PTPRD: variants seen among roughly 807,000 people sequenced by gnomAD.
PTPRD encodes protein tyrosine phosphatase receptor type D, also known as receptor-type tyrosine-protein phosphatase delta.
A neutral mutation model predicts 214.5 loss-of-function variants in PTPRD; 34 were observed. The observed-to-expected ratio is 0.16, with a 90% confidence interval of 0.12 to 0.21. The LOEUF is 0.21. PTPRD is among the 10% of genes least tolerant of loss of function. PTPRD has a pLI of 1.00. For synonymous variants in PTPRD, 1,128 were observed against 845.7 expected (o/e 1.33, Z -5.79); for missense variants, 2,545 against 2,398.7 (o/e 1.06, Z -1.27).
chr9:8,920,671 A>C (rs1237302065), intron 11 of PTPRD, among the ~76,000 whole-genome samples: 3 of 152,212 alleles, frequency 2.0e-5, no homozygotes, highest in Non-Finnish European at 4.4e-5. Flanking sequence ...ATCCTAGACC[A>C]ATGGGCTGCG....
chr9:8,789,711 C>T (rs1433225377), intron 11 of PTPRD, among the ~76,000 whole-genome samples: 5 of 152,078 alleles, frequency 3.3e-5, no homozygotes, highest in African/African-American at 1.2e-4. Context: ...TCAGAAACAT[C>T]TTTAAAAAAA....
chr9:9,335,040 C>G (rs545196295), intron 9 of PTPRD, among the ~76,000 whole-genome samples: 4 of 152,148 alleles, frequency 2.6e-5, no homozygotes, highest in African/African-American at 7.2e-5. Context: ...TGTCTCTATA[C>G]TCTTAATATA....
At chr9:10,571,403 T>A (rs2067390193) in intron 2 of PTPRD, among the ~76,000 whole-genome samples, 1 of 152,174 alleles carries the variant, frequency 6.6e-6, no homozygotes, top group Non-Finnish European at 1.5e-5. Flanking sequence ...ATACCTTTAT[T>A]TCATGTGTTG....
intron 9 of PTPRD, among the ~76,000 whole-genome samples, chr9:9,334,560 T>A (rs930345241): frequency 6.6e-6 from 1 of 151,938 alleles, no homozygotes; most frequent in African/African-American, 2.4e-5. Flanking sequence ...GAGAAATAAA[T>A]GGGTCTGCCA....
intron 14 of PTPRD, among the ~76,000 whole-genome samples, chr9:8,581,897 A>G (rs1345810806): frequency 7.8e-6 from 1 of 128,600 alleles, no homozygotes; most frequent in Non-Finnish European, 1.6e-5. Context: ...TGGATGACAG[A>G]GCATGACTCA....
At chr9:10,232,672 C>G (rs534894454) in intron 3 of PTPRD, among the ~76,000 whole-genome samples, 1 of 152,096 alleles carries the variant, frequency 6.6e-6, no homozygotes, top group East Asian at 1.9e-4. Flanking sequence ...TCTGCTTCCC[C>G]TCCTTTTAAG....
At chr9:8,875,673 T>C (rs1398448715) in intron 11 of PTPRD, among the ~76,000 whole-genome samples, 1 of 152,188 alleles carries the variant, frequency 6.6e-6, no homozygotes, top group Non-Finnish European at 1.5e-5. Context: ...ATTATTATGC[T>C]CAATAATAAG....
intron 6 of PTPRD, among the ~76,000 whole-genome samples, chr9:9,754,149 T>C (rs1385560753): frequency 6.6e-6 from 1 of 152,014 alleles, no homozygotes; most frequent in Non-Finnish European, 1.5e-5. Flanking sequence ...GAGGGATGAA[T>C]GGAAATGTGT....
intron 11 of PTPRD, among the ~76,000 whole-genome samples, chr9:8,952,634 A>C (rs1451485339): frequency 6.6e-6 from 1 of 151,866 alleles, no homozygotes; most frequent in Non-Finnish European, 1.5e-5. Flanking sequence ...AAACTAATTC[A>C]ACAGGTTGTA....
chr9:9,707,859 CTA>C (rs1173853723), intron 7 of PTPRD, among the ~76,000 whole-genome samples: 1 of 151,956 alleles, frequency 6.6e-6, no homozygotes, highest in African/African-American at 2.4e-5. Flanking sequence ...ACTCCACCTG[CTA>C]TGTTTTGAAA....
At chr9:9,969,724 C>A (rs1379553717) in intron 4 of PTPRD, among the ~76,000 whole-genome samples, 1 of 152,204 alleles carries the variant, frequency 6.6e-6, no homozygotes, top group Admixed American at 6.5e-5. Context: ...AGAAATAATT[C>A]CTACAGTCAT....
intron 7 of PTPRD, among the ~76,000 whole-genome samples, chr9:9,595,292 AT>A (rs1563935492): frequency 2.6e-3 from 8 of 3,020 alleles, no homozygotes; most frequent in Non-Finnish European, 9.1e-3. Context: ...TATATATTAT[AT>A]ATATATATAT....
intron 32 of PTPRD, among the ~76,000 whole-genome samples, chr9:8,462,804 T>C (rs1283021318): frequency 1.3e-5 from 2 of 152,036 alleles, no homozygotes; most frequent in African/African-American, 4.8e-5. Context: ...CCTTGTTTTT[T>C]TAAATGGTAC....
intron 7 of PTPRD, among the ~76,000 whole-genome samples, chr9:9,718,983 G>A (rs568968626): frequency 6.6e-6 from 1 of 152,298 alleles, no homozygotes; most frequent in East Asian, 1.9e-4. Context: ...AGCCAGGGAT[G>A]ACCTGAAGCC....
chr9:8,709,512 C>A (rs1597599622), intron 12 of PTPRD, among the ~76,000 whole-genome samples: 2 of 110,424 alleles, frequency 1.8e-5, no homozygotes, highest in African/African-American at 6.8e-5. Flanking sequence ...GAGACTCCAT[C>A]TCAAAAAAAA....
chr9:8,871,398 T>C lies in PTPRD; in HGVS notation c.-103-137452A>G, dbSNP rs994716763. ...CACATAGGCCCTAGAATCAGCTACTTAAGATTCAATGGAGTAAATTTTACC... is the reference window on the plus strand; with the variant it reads ...CACATAGGCCCTAGAATCAGCTACTCAAGATTCAATGGAGTAAATTTTACC... On this transcript the variant is annotated intron_variant, in intron 11 of 45. Coordinates refer to ENST00000381196, the MANE Select transcript of PTPRD (RefSeq NM_002839.4). 2.0e-5 allele frequency among the ~76,000 whole-genome samples: 3 copies of C among 152,198 alleles called. No individual in the cohort carries two copies. The East Asian group carries it at 5.8e-4, about 29-fold the overall frequency.
chr9:9,127,699 G>A (rs928445371), intron 10 of PTPRD, among the ~76,000 whole-genome samples: 6 of 152,110 alleles, frequency 3.9e-5, no homozygotes, highest in Non-Finnish European at 7.4e-5. Context: ...TGGTCAAGAC[G>A]GGAGGTGTAA....
intron 4 of PTPRD, among the ~76,000 whole-genome samples, chr9:10,006,449 C>T (rs1295902938): frequency 6.6e-6 from 1 of 151,878 alleles, no homozygotes; most frequent in Non-Finnish European, 1.5e-5. Flanking sequence ...CAAACCGTTA[C>T]TTATTCTTTA....
chr9:9,574,628 T>C (rs537792611), intron 8 of PTPRD, 104 bp downstream of exon 8: 1 of 152,042 alleles, frequency 6.6e-6, no homozygotes, highest in East Asian at 1.9e-4. Flanking sequence ...TGGTTAAATA[T>C]CAAATGACTT....
Sources: gnomAD v4.1 joint callset for allele counts (sites outside exome capture counted in the v4.1 genomes callset) on GRCh38, gnomAD v4.1.1 for gene constraint, MANE v1.5 for transcripts, NCBI Gene and HGNC (gene_info 2026-07-23, HGNC 2026-07-21) for gene names.